Variants in ORC4 observed in about 807,000 individuals in gnomAD.
ORC4 encodes the protein origin recognition complex subunit 4, also known as origin recognition complex, subunit 4 homolog.
ORC4 carries 55 observed loss-of-function variants against 63.9 expected under a neutral mutation model. The ratio of observed to expected loss-of-function variants is 0.86; its 90% CI spans 0.69 to 1.08. ORC4 has a LOEUF of 1.08. ORC4 is among the 50% of genes least tolerant of loss of function. ORC4 has a pLI of 0.00. For synonymous variants in ORC4, 150 were observed against 168.5 expected (o/e 0.89, Z 0.85); for missense variants, 511 against 504.4 (o/e 1.01, Z -0.13).
At chr2:147,944,055 G>T (rs999345728) in intron 9 of ORC4, among the ~76,000 whole-genome samples, 1 of 152,106 alleles carries the variant, frequency 6.6e-6, no homozygotes, top group African/African-American at 2.4e-5. Context: ...AAAAGAAAAG[G>T]CAGAAAAACC....
At chr2:147,977,779 A>T (rs572871186) in intron 1 of ORC4, among the ~76,000 whole-genome samples, 1 of 152,320 alleles carries the variant, frequency 6.6e-6, no homozygotes, top group South Asian at 2.1e-4. Flanking sequence ...AAGACCTGTT[A>T]CCAGGTGTGT....
chr2:147,955,563 C>T (rs1689202770), intron 6 of ORC4, among the ~76,000 whole-genome samples, 168 bp from the exon 7 acceptor site: 1 of 151,880 alleles, frequency 6.6e-6, no homozygotes, highest in African/African-American at 2.4e-5. Context: ...AACTTAAATA[C>T]TTAAGCAAAG....
Position 147,930,627 on chromosome 2 carries a change from C to G in ORC4, c.*4883G>C, listed in dbSNP as rs956242785. 6.6e-6 allele frequency: 1 copy of G among 152,320 alleles called. No homozygotes were observed. The highest frequency in any genetic ancestry group is 2.4e-5 in the African/African-American group (1 of 41,380). 9.4% of individuals were successfully genotyped at this position (152,320 alleles called of 1,614,324 possible). ...GGTAAGCAGTTATTTTCGCTTTACT[C>G]TGTATTTCTTGTGTTTTGGGCACAG... On this transcript the variant is annotated 3_prime_UTR_variant, in exon 14 of 14. Transcript: ENST00000392857.
At chr2:147,962,336 A>AT (rs1365646964) in intron 4 of ORC4, among the ~76,000 whole-genome samples, 1 of 152,090 alleles carries the variant, frequency 6.6e-6, no homozygotes, top group East Asian at 1.9e-4. Flanking sequence ...GATCATGAGA[A>AT]TAAGGTATGC....
At chr2:147,985,308 T>C (rs555566307) in intron 1 of ORC4, among the ~76,000 whole-genome samples, 29 of 152,262 alleles carry the variant, frequency 1.9e-4, no homozygotes, top group African/African-American at 7.0e-4. Context: ...ACCATTCTCC[T>C]CCCTCAGCCT....
At chr2:148,011,072 G>T (rs774005981) in intron 1 of ORC4, among the ~76,000 whole-genome samples, 3 of 151,796 alleles carry the variant, frequency 2.0e-5, no homozygotes, top group African/African-American at 4.8e-5. Flanking sequence ...CAAGAGATCT[G>T]CCTGCCTCAG....
At chr2:147,985,828 C>A (rs541077504) in intron 1 of ORC4, among the ~76,000 whole-genome samples, 2 of 152,060 alleles carry the variant, frequency 1.3e-5, no homozygotes, top group African/African-American at 4.8e-5. Context: ...TATACAATGA[C>A]CTGCCCAAGA....
Position 147,931,691 on chromosome 2 carries a change from G to A in ORC4, c.*3819C>T, listed in dbSNP as rs546220757. 3.9e-5 allele frequency: 6 copies of A among 152,024 alleles called. No homozygotes were observed. Among genetic ancestry groups the A allele is most frequent in the Non-Finnish European group, 7.4e-5 (5 of 68,002 alleles). 9.4% of individuals were successfully genotyped at this position (152,024 alleles called of 1,614,324 possible). ...GAATGTAATCCAGCATATAAACAGA[G>A]CCAAAGACAAAAAACACATGATTAT... On this transcript the variant is annotated 3_prime_UTR_variant, in exon 14 of 14. Coordinates refer to ENST00000392857, the MANE Select transcript of ORC4 (RefSeq NM_181741.4).
At chr2:147,949,994 A>C (rs748352273) in intron 8 of ORC4, among the ~76,000 whole-genome samples, 1 of 152,208 alleles carries the variant, frequency 6.6e-6, no homozygotes, top group Non-Finnish European at 1.5e-5. Flanking sequence ...AGTGATCAAA[A>C]TGGGATCATG....
At chr2:147,969,321 G>A (rs541996254) in intron 4 of ORC4, among the ~76,000 whole-genome samples, 2 of 152,122 alleles carry the variant, frequency 1.3e-5, no homozygotes, top group South Asian at 2.1e-4. Context: ...ATAAATGTTT[G>A]AGATGATTGA....
intron 1 of ORC4, among the ~76,000 whole-genome samples, chr2:147,979,378 G>A (rs1396947503): frequency 6.6e-6 from 1 of 152,014 alleles, no homozygotes; most frequent in Admixed American, 6.6e-5. Flanking sequence ...AGAAAGAAAT[G>A]TAACAAAAGA....
intron 8 of ORC4, among the ~76,000 whole-genome samples, chr2:147,948,638 A>C (rs533530624): frequency 3.4e-4 from 52 of 151,952 alleles, no homozygotes; most frequent in African/African-American, 1.1e-3. Context: ...AGTGGCAGAA[A>C]TGCAACATGG....
chr2:147,992,761 C>G (rs925845667), intron 1 of ORC4, among the ~76,000 whole-genome samples: 3 of 152,064 alleles, frequency 2.0e-5, no homozygotes, highest in African/African-American at 7.2e-5. Context: ...TCTCTCTGAC[C>G]ATCTCCTAAC....
chr2:147,967,135 C>T (rs1157634240), intron 4 of ORC4, among the ~76,000 whole-genome samples: 1 of 151,972 alleles, frequency 6.6e-6, no homozygotes, highest in Admixed American at 6.6e-5. Context: ...TAAAATTCAA[C>T]ATCCCTTCAT....
intron 7 of ORC4, 41 bp from the exon 8 acceptor site, chr2:147,952,565 T>C (rs761748711): frequency 1.1e-5 from 16 of 1,459,256 alleles, no homozygotes; most frequent in Non-Finnish European, 9.6e-7. Flanking sequence ...AGAAATTATA[T>C]CCACCTTTCC....
chr2:148,018,095 AAAAC>A lies in ORC4; in HGVS notation c.-18+2534_-18+2537del, dbSNP rs563486146. Among the ~76,000 whole-genome samples, 20 of 152,350 alleles carry A rather than the reference AAAAC, an allele frequency of 1.3e-4. 1 individual carries two copies. The South Asian group carries it at 3.3e-3, about 25-fold the overall frequency. On this transcript the variant is annotated intron_variant, in intron 1 of 13. Coordinates refer to ENST00000392857, the MANE Select transcript of ORC4 (RefSeq NM_181741.4). ...AAAACAGACAACCCAATTAAAACAA[AAAAC>A]AAACAAACAAAAAAACCTCCCAAAA...
At chr2:147,960,352 G>C in intron 4 of ORC4, 1 of 976,594 alleles carries the variant, frequency 1.0e-6, no homozygotes, top group Non-Finnish European at 1.2e-6. Context: ...AATAATGTTA[G>C]TTCTAATCTG....
chr2:148,003,357 T>A (rs1215694453), intron 1 of ORC4, among the ~76,000 whole-genome samples: 1 of 151,918 alleles, frequency 6.6e-6, no homozygotes, highest in East Asian at 1.9e-4. Flanking sequence ...AATGCAAAAA[T>A]CCTCAATAAA....
intron 1 of ORC4, among the ~76,000 whole-genome samples, chr2:147,993,349 A>G (rs1691740205): frequency 6.6e-6 from 1 of 152,190 alleles, no homozygotes; most frequent in African/African-American, 2.4e-5. Context: ...ATATTAAACT[A>G]TTTTTGGAAG....
Sources: gnomAD v4.1 joint callset for allele counts (sites outside exome capture counted in the v4.1 genomes callset) on GRCh38, gnomAD v4.1.1 for gene constraint, MANE v1.5 for transcripts, NCBI Gene and HGNC (gene_info 2026-07-23, HGNC 2026-07-21) for gene names.